CALD1: variants seen among roughly 807,000 people sequenced by gnomAD.
CALD1 encodes caldesmon 1.
CALD1 carries 33 observed loss-of-function variants against 99.9 expected under a neutral mutation model. The observed-to-expected ratio is 0.33, with a 90% CI of 0.25 to 0.44. The LOEUF (loss-of-function observed/expected upper bound fraction) is 0.44. Ranked by LOEUF, CALD1 falls within the 20% of genes least tolerant of loss-of-function variation. CALD1 has a pLI of 1.00. For missense variants in CALD1, 861 were observed against 962.1 expected (o/e 0.89, Z 1.39); for synonymous variants, 310 against 325.0 (o/e 0.95, Z 0.50).
At chr7:134,789,313 C>T (rs1399843458) in intron 1 of CALD1, among the ~76,000 whole-genome samples, 1 of 152,130 alleles carries the variant, frequency 6.6e-6, no homozygotes, top group African/African-American at 2.4e-5. Flanking sequence ...GATCTAAACC[C>T]GGGATAATCT....
At chr7:134,961,498 C>T (rs1374361939) in intron 13 of CALD1, 15 of 152,200 alleles carry the variant, frequency 9.9e-5, no homozygotes. Flanking sequence ...TGGCTCCATG[C>T]CATTTAATTG....
chr7:134,721,637 C>T, the CALD1 span, among the ~76,000 whole-genome samples: 2 of 151,738 alleles, frequency 1.3e-5, no homozygotes, highest in African/African-American at 4.8e-5. Flanking sequence ...GGGGAAAGAC[C>T]GAGGGGGTCT....
At chr7:134,739,839 G>A (rs1349671335), upstream of CALD1, among the ~76,000 whole-genome samples, 1 of 151,844 alleles carries the variant, frequency 6.6e-6, no homozygotes, top group East Asian at 1.9e-4. Flanking sequence ...TCTAGCAAAT[G>A]CACCTTCAAA....
chr7:134,859,668 A>AATGGGGTTGAATTGATTCTTCTT (rs1800477576), intron 2 of CALD1, among the ~76,000 whole-genome samples: 1 of 152,186 alleles, frequency 6.6e-6, no homozygotes, highest in Non-Finnish European at 1.5e-5. Flanking sequence ...CCTTTCTTCA[A>AATGGGGTTGAATTGATTCTTCTT]ATGGGGTTGA....
rs780312477 is a variant in CALD1 at position 134,944,675 on chromosome 7, T to C, written c.1533-2833T>C. The C allele has an allele frequency of 2.6e-5, 4 of 152,210 alleles. No homozygotes were observed. In the South Asian group the frequency reaches 6.2e-4, roughly 24 times the overall value. The allele number at this position is 152,210 out of a possible 1,614,324, so 9.4% of individuals were successfully genotyped here. On this transcript the variant is annotated intron_variant, in intron 7 of 14. Transcript: ENST00000361675. ...ATGTTAGGGTGTGATAATTCCTTTG[T>C]TCCTTAGACAAAAGTGTCAGGAATA...
rs564070916 is a variant in CALD1 at position 134,965,109 on chromosome 7, C to G, written c.2296-197C>G. The G allele has an allele frequency of 1.7e-5, 8 of 463,082 alleles. No homozygotes were observed. In the South Asian group the frequency reaches 1.7e-4, roughly 10 times the overall value. 28.7% of individuals were successfully genotyped at this position (463,082 alleles called of 1,614,324 possible). The stretch of plus-strand genomic sequence containing the variant: ...CCAGCTTGGGCTACAGAGTGAGACT[C>G]TGTCTCAAAAAAAATAAAAAAATAA... On this transcript the variant is annotated intron_variant, in intron 13 of 14. Coordinates refer to ENST00000361675, the MANE Select transcript of CALD1 (RefSeq NM_033138.4).
chr7:134,889,369 C>A (rs980747467), intron 3 of CALD1, among the ~76,000 whole-genome samples: 1 of 152,164 alleles, frequency 6.6e-6, no homozygotes, highest in South Asian at 2.1e-4. Flanking sequence ...CAGATAAGCT[C>A]CTCTAACCAC....
At chr7:134,775,396 G>A (rs1180957402), upstream of CALD1, among the ~76,000 whole-genome samples, 1 of 152,080 alleles carries the variant, frequency 6.6e-6, no homozygotes. Context: ...TACAAAATAC[G>A]TCATTTGGAG....
intron 3 of CALD1, among the ~76,000 whole-genome samples, chr7:134,912,095 TGAAAGAAAAA>T (rs1304365418): frequency 6.6e-6 from 1 of 151,910 alleles, no homozygotes; most frequent in Non-Finnish European, 1.5e-5. Flanking sequence ...AAAATGAAGT[TGAAAGAAAAA>T]GAAAGAAAGC....
intron 1 of CALD1, among the ~76,000 whole-genome samples, chr7:134,766,141 CTTTTTTTTTTTTTTTTT>C (rs71172475): frequency 2.8e-5 from 2 of 70,806 alleles, no homozygotes; most frequent in South Asian, 5.9e-4. Context: ...CTTTTCTTTT[CTTTTTTTTTTTTTTTTT>C]TTTTTTTTTT....
intron 7 of CALD1, among the ~76,000 whole-genome samples, chr7:134,941,676 CTAAGAT>C (rs897708140): frequency 9.9e-5 from 15 of 151,958 alleles, no homozygotes; most frequent in African/African-American, 3.6e-4. Context: ...TTGCATAAGA[CTAAGAT>C]TGTTTTGTGG....
At chr7:134,762,719 A>G (rs1180028699) in intron 1 of CALD1, among the ~76,000 whole-genome samples, 1 of 152,096 alleles carries the variant, frequency 6.6e-6, no homozygotes, top group Non-Finnish European at 1.5e-5. Flanking sequence ...AGATCTCGAG[A>G]GCACTCACTC....
At chr7:134,733,274 C>T in the CALD1 span, among the ~76,000 whole-genome samples, 1 of 152,206 alleles carries the variant, frequency 6.6e-6, no homozygotes, top group African/African-American at 2.4e-5. Flanking sequence ...GCCCCAGCAA[C>T]ACCTCCAGAT....
intron 1 of CALD1, among the ~76,000 whole-genome samples, chr7:134,763,339 T>C (rs565747807): frequency 6.6e-6 from 1 of 152,304 alleles, no homozygotes; most frequent in South Asian, 2.1e-4. Flanking sequence ...AGAAGGCAAG[T>C]GTTTTGGAGT....
intron 1 of CALD1, among the ~76,000 whole-genome samples, chr7:134,794,868 A>G (rs758888024): frequency 3.3e-5 from 5 of 152,232 alleles, no homozygotes; most frequent in Admixed American, 1.3e-4. Context: ...CTCATGACAC[A>G]GTCATCTGCA....
In CALD1 at chr7:134,925,047, C is replaced by T. The variant is rs1362038067; in HGVS notation, c.72-3707C>T. Among the ~76,000 whole-genome samples the T allele has an allele frequency of 3.9e-5, 6 of 152,302 alleles. No individual in the cohort carries two copies. The South Asian group carries it at 1.0e-3, about 26-fold the overall frequency. ...TTAAACCTCTTTCCTTTATAAGTTA[C>T]CCAGTCTCGGGCAGTTCTTTATAGC... On this transcript the variant is annotated intron_variant, in intron 3 of 14. Transcript: ENST00000361675.
chr7:134,786,715 A>C (rs1164962208), intron 1 of CALD1, among the ~76,000 whole-genome samples: 1 of 152,230 alleles, frequency 6.6e-6, no homozygotes. Flanking sequence ...ATTAGTGGTA[A>C]GATAGTTCCA....
chr7:134,915,094 C>A (rs1016290691), intron 3 of CALD1, among the ~76,000 whole-genome samples: 3 of 152,208 alleles, frequency 2.0e-5, no homozygotes, highest in Admixed American at 2.0e-4. Context: ...ATCCCACAAC[C>A]GCAAGTTCAG....
At chr7:134,950,539 T>TATTAGAATATGATAGAGACTGG (rs1807255961) in intron 9 of CALD1, 25 bp downstream of exon 9, 8 of 1,596,432 alleles carry the variant, frequency 5.0e-6, no homozygotes, top group Non-Finnish European at 6.0e-6. Context: ...AGAAAACTTC[T>TATTAGAATATGATAGAGACTGG]ATTAGAATAT....
Sources: gnomAD v4.1 joint callset for allele counts (sites outside exome capture counted in the v4.1 genomes callset) on GRCh38, gnomAD v4.1.1 for gene constraint, MANE v1.5 for transcripts, NCBI Gene and HGNC (gene_info 2026-07-23, HGNC 2026-07-21) for gene names.